Variants in STARD13 observed in about 807,000 individuals in gnomAD.
STARD13 encodes the protein StAR related lipid transfer domain containing 13.
A neutral mutation model predicts 106.4 loss-of-function variants in STARD13; 62 were observed. The observed-to-expected ratio is 0.58, with a 90% CI of 0.48 to 0.72. The LOEUF (loss-of-function observed/expected upper bound fraction) is 0.72. STARD13 is among the 30% of genes least tolerant of loss of function. STARD13 has a pLI of 0.00. For synonymous variants in STARD13, 565 were observed against 553.0 expected, an observed-to-expected ratio of 1.02 and a Z score of -0.31; for missense variants, 1,387 against 1,424.0, an observed-to-expected ratio of 0.97 and a Z score of 0.42.
At chr13:33,256,993 G>A (rs1446649477) in intron 1 of STARD13, among the ~76,000 whole-genome samples, 4 of 152,052 alleles carry the variant, frequency 2.6e-5, no homozygotes, top group African/African-American at 9.7e-5. Flanking sequence ...ATAACACAAA[G>A]TTTCTTATCA....
At chr13:33,106,321 T>C (rs1435051298) in intron 13 of STARD13, among the ~76,000 whole-genome samples, 1 of 152,132 alleles carries the variant, frequency 6.6e-6, no homozygotes. Flanking sequence ...CTGGGGAGGC[T>C]GAGGAGGGAG....
chr13:33,234,519 A>G (rs932518290), intron 1 of STARD13, among the ~76,000 whole-genome samples: 15 of 152,236 alleles, frequency 9.9e-5, no homozygotes, highest in Admixed American at 1.3e-4. Context: ...GTGCTACTCA[A>G]TGTTCATCCA....
At chr13:33,164,163 C>A (rs1208182020) in intron 3 of STARD13, 1 of 152,050 alleles carries the variant, frequency 6.6e-6, no homozygotes, top group Non-Finnish European at 1.5e-5. Context: ...TGTAAGCAAG[C>A]CCATAGTATT....
At chr13:33,268,007 C>G (rs1370459511) in intron 1 of STARD13, among the ~76,000 whole-genome samples, 5 of 152,080 alleles carry the variant, frequency 3.3e-5, no homozygotes, top group Admixed American at 2.6e-4. Context: ...AGATTCTGTG[C>G]TTCGTTTTGG....
chr13:33,381,966 A>G, the STARD13 span, among the ~76,000 whole-genome samples: 8 of 152,184 alleles, frequency 5.3e-5, no homozygotes, highest in Admixed American at 3.9e-4. Flanking sequence ...TAAGTTTCCT[A>G]CAGAGACGGA....
chr13:33,271,208 A>G (rs1891142027), intron 1 of STARD13, among the ~76,000 whole-genome samples: 1 of 152,220 alleles, frequency 6.6e-6, no homozygotes, highest in African/African-American at 2.4e-5. Flanking sequence ...AAAATCTGGA[A>G]GAAAAAAATC....
chr13:33,233,683 C>T (rs946739871), intron 1 of STARD13, among the ~76,000 whole-genome samples: 5 of 152,256 alleles, frequency 3.3e-5, no homozygotes, highest in Non-Finnish European at 7.3e-5. Context: ...CCACCCCACA[C>T]GATGAGGCAA....
At chr13:33,526,505 C>T in the STARD13 span, among the ~76,000 whole-genome samples, 4 of 152,166 alleles carry the variant, frequency 2.6e-5, no homozygotes, top group South Asian at 6.2e-4. Flanking sequence ...TGCTTCTTCC[C>T]TAGGACCCTA....
chr13:33,660,287 T>C, the STARD13 span, among the ~76,000 whole-genome samples: 1 of 152,246 alleles, frequency 6.6e-6, no homozygotes, highest in East Asian at 1.9e-4. Context: ...CTGTGTTAGT[T>C]GTCATAGTTT....
intron 2 of STARD13, among the ~76,000 whole-genome samples, 190 bp from the exon 3 acceptor site, chr13:33,165,608 G>A (rs17078654): frequency 0.016 from 2,378 of 152,264 alleles, 63 homozygotes; most frequent in African/African-American, 0.054. Context: ...CAATATAAGT[G>A]CGAAATATGA....
intron 1 of STARD13, among the ~76,000 whole-genome samples, chr13:33,302,991 A>T (rs2138470920): frequency 6.6e-6 from 1 of 152,290 alleles, no homozygotes. Context: ...TTGTCACCTT[A>T]AAAACCTTTG....
the STARD13 span, among the ~76,000 whole-genome samples, chr13:33,542,280 T>C: frequency 6.6e-6 from 1 of 152,258 alleles, no homozygotes; most frequent in African/African-American, 2.4e-5. Flanking sequence ...GCTGGGTCCA[T>C]CTTAGCACTG....
intron 1 of STARD13, among the ~76,000 whole-genome samples, chr13:33,241,131 T>C (rs562651264): frequency 6.6e-6 from 1 of 152,324 alleles, no homozygotes; most frequent in East Asian, 1.9e-4. Flanking sequence ...GTTGTGAGGA[T>C]TCCATGAGCT....
At chr13:33,325,242 G>A (rs948354943) in intron 1 of STARD13, among the ~76,000 whole-genome samples, 1 of 152,160 alleles carries the variant, frequency 6.6e-6, no homozygotes, top group Admixed American at 6.5e-5. Flanking sequence ...TGAAGGCTCA[G>A]TTTAACTCTT....
chr13:33,192,233 TA>T (rs1326291571), intron 1 of STARD13, among the ~76,000 whole-genome samples: 1 of 152,260 alleles, frequency 6.6e-6, no homozygotes, highest in Non-Finnish European at 1.5e-5. Context: ...CAGTACTTAC[TA>T]AACAGGGAAT....
the STARD13 span, among the ~76,000 whole-genome samples, chr13:33,429,534 AAAG>A: frequency 6.6e-6 from 1 of 152,258 alleles, no homozygotes; most frequent in East Asian, 1.9e-4. Context: ...AAAAAAAAAA[AAAG>A]AAAAGAAAAT....
the STARD13 span, among the ~76,000 whole-genome samples, chr13:33,622,623 A>AAAAAAAG: frequency 6.7e-6 from 1 of 148,692 alleles, no homozygotes; most frequent in Non-Finnish European, 1.5e-5. Context: ...TCAAAAAAAA[A>AAAAAAAG]AAAAAAAAAA....
chr13:33,479,142 G>A, the STARD13 span, among the ~76,000 whole-genome samples: 28 of 152,250 alleles, frequency 1.8e-4, no homozygotes, highest in South Asian at 1.2e-3. Context: ...AAGATTATCC[G>A]TCTTGCTCAT....
intron 1 of STARD13, among the ~76,000 whole-genome samples, chr13:33,228,248 G>T (rs1468585229): frequency 6.6e-6 from 1 of 152,144 alleles, no homozygotes; most frequent in East Asian, 1.9e-4. Context: ...CTCTGGCGAA[G>T]GCTGAGGTTG....
Sources: allele counts gnomAD v4.1 joint callset (sites outside exome capture counted in the v4.1 genomes callset), GRCh38; gene constraint gnomAD v4.1.1; transcripts MANE v1.5; gene names NCBI Gene and HGNC (gene_info 2026-07-23, HGNC 2026-07-21).